Variants in MYBPC1 observed in about 807,000 individuals in gnomAD.
MYBPC1 encodes myosin binding protein C1, also known as myosin-binding protein C, slow-type.
Under a neutral mutation model 147.1 loss-of-function variants are expected in MYBPC1, and 52 were observed. That is an observed-to-expected ratio of 0.35 (90% CI 0.28 to 0.45). The LOEUF (loss-of-function observed/expected upper bound fraction) is 0.45. Ranked by LOEUF, MYBPC1 falls within the 20% of genes least tolerant of loss-of-function variation. MYBPC1 has a pLI of 1.00. For synonymous variants in MYBPC1, 477 were observed against 475.9 expected (o/e 1.00, Z -0.03); for missense variants, 1,228 against 1,440.3 (o/e 0.85, Z 2.39).
chr12:101,614,747 A>G, intron 2 of MYBPC1: 1 of 605,320 alleles, frequency 1.7e-6, no homozygotes. Flanking sequence ...ATGGCACTTC[A>G]TATATATTAG....
chr12:101,614,650 A>G (rs1885402708), intron 2 of MYBPC1, 119 bp downstream of exon 2: 1 of 964,522 alleles, frequency 1.0e-6, no homozygotes, highest in Non-Finnish European at 1.6e-6. Context: ...CCTACTGAGA[A>G]GTTGGATGGT....
intron 18 of MYBPC1, among the ~76,000 whole-genome samples, chr12:101,653,871 TA>T (rs1895032809): frequency 7.7e-6 from 1 of 129,282 alleles, no homozygotes; most frequent in African/African-American, 2.8e-5. Flanking sequence ...CGTGGCTTTC[TA>T]CAAAAATAAA....
Position 101,670,333 on chromosome 12 carries a change from T to C in MYBPC1, c.2537T>C (p.Ile846Thr). ...LVKEIIEPPK[I>T]RIPRHLKQTY... is the part of the protein sequence containing the mutation. ...TACCCTCTCTCAGAACCTCCAAAGATTCGCATTCCAAGACACCTGAAGCAA... is the reference window on the plus strand; with the variant it reads ...TACCCTCTCTCAGAACCTCCAAAGACTCGCATTCCAAGACACCTGAAGCAA... The change falls in exon 24 of 32, where the codon ATT (isoleucine) becomes ACT (threonine). Residue 846 changes from isoleucine to threonine, a missense_variant. Around this residue, in one of 2 missense-constraint regions of MYBPC1, gnomAD observed 1,077 missense variants for 1,314.2 expected, o/e 0.82. Transcript: ENST00000361466. 1 of 1,613,906 alleles carries C rather than the reference T, an allele frequency of 6.2e-7. No homozygotes were observed.
intron 18 of MYBPC1, among the ~76,000 whole-genome samples, chr12:101,653,884 G>C (rs1354288694): frequency 3.8e-5 from 2 of 52,854 alleles, no homozygotes; most frequent in Non-Finnish European, 1.2e-4. Context: ...AAAAATAAAA[G>C]CAAAAAAAGA....
intron 17 of MYBPC1, 149 bp from the exon 18 acceptor site, chr12:101,652,966 A>G: frequency 8.3e-7 from 1 of 1,197,722 alleles, no homozygotes; most frequent in South Asian, 1.4e-5. Flanking sequence ...TGGTTTTGCA[A>G]GGTGCCAGGC....
At chr12:101,609,851 A>T (rs984955446) in intron 1 of MYBPC1, among the ~76,000 whole-genome samples, 4 of 152,226 alleles carry the variant, frequency 2.6e-5, no homozygotes, top group Admixed American at 2.6e-4. Flanking sequence ...TGGGAGTTCA[A>T]TGAATTTAGG....
chr12:101,676,220 G>T (rs1899955953), intron 26 of MYBPC1, among the ~76,000 whole-genome samples: 1 of 152,170 alleles, frequency 6.6e-6, no homozygotes, highest in Non-Finnish European at 1.5e-5. Flanking sequence ...AACCTAGTTG[G>T]AGTATGACTT....
At chr12:101,662,576 C>T (rs1896750227) in intron 21 of MYBPC1, 30 bp downstream of exon 21, 4 of 1,607,400 alleles carry the variant, frequency 2.5e-6, no homozygotes, top group South Asian at 1.1e-5. Context: ...TCTTTGTCAT[C>T]AGAATCATTG....
intron 23 of MYBPC1, 54 bp from the exon 24 acceptor site, chr12:101,670,267 C>A: frequency 6.8e-7 from 1 of 1,460,334 alleles, no homozygotes; most frequent in Non-Finnish European, 9.6e-7. Context: ...TTTTGTAAGG[C>A]TATTTTCAGA....
chr12:101,603,018 G>A (rs1282832228), intron 1 of MYBPC1, among the ~76,000 whole-genome samples: 1 of 151,754 alleles, frequency 6.6e-6, no homozygotes, highest in Non-Finnish European at 1.5e-5. Flanking sequence ...CTGTCTCCAA[G>A]GGTTATAAGT....
intron 2 of MYBPC1, among the ~76,000 whole-genome samples, chr12:101,615,349 C>A (rs956699494): frequency 6.6e-6 from 1 of 152,134 alleles, no homozygotes; most frequent in East Asian, 1.9e-4. Context: ...TCCAAAGTGG[C>A]CTTCCTCATC....
intron 2 of MYBPC1, among the ~76,000 whole-genome samples, chr12:101,615,662 G>GCCCCCC (rs200320748): frequency 2.3e-5 from 1 of 43,466 alleles, no homozygotes; most frequent in African/African-American, 7.6e-5. Context: ...AGAACCCCCC[G>GCCCCCC]CCCCCCCCCC....
chr12:101,671,288 C>T (rs1254545707), intron 24 of MYBPC1, among the ~76,000 whole-genome samples: 1 of 150,822 alleles, frequency 6.6e-6, no homozygotes. Context: ...ATGTAGGTCT[C>T]TACACACATT....
intron 23 of MYBPC1, 138 bp from the exon 24 acceptor site, chr12:101,670,183 G>A (rs1898333084): frequency 1.3e-6 from 1 of 761,598 alleles, no homozygotes; most frequent in African/African-American, 1.7e-5. Flanking sequence ...TATATCGTCT[G>A]TTAGTGGCAC....
At chr12:101,600,164 G>A (rs948986544) in intron 1 of MYBPC1, among the ~76,000 whole-genome samples, 4 of 152,210 alleles carry the variant, frequency 2.6e-5, no homozygotes, top group African/African-American at 9.6e-5. Flanking sequence ...AAGGGAGACT[G>A]TGGACTGGTC....
At chr12:101,627,460 C>G (rs1209849611) in intron 4 of MYBPC1, among the ~76,000 whole-genome samples, 3 of 152,160 alleles carry the variant, frequency 2.0e-5, no homozygotes. Context: ...CCAGACTGGT[C>G]TCGAACACCT....
intron 1 of MYBPC1, among the ~76,000 whole-genome samples, chr12:101,605,222 C>G (rs1433055147): frequency 6.6e-6 from 1 of 152,146 alleles, no homozygotes; most frequent in Admixed American, 6.5e-5. Flanking sequence ...GCCCTTTTGT[C>G]TCTATTATGG....
In MYBPC1 at chr12:101,679,206, G is replaced by A. The variant is rs1037262662; in HGVS notation, c.3246+968G>A. Among the ~76,000 whole-genome samples, 5 of 152,098 alleles carry A rather than the reference G, an allele frequency of 3.3e-5. No homozygotes were observed. The East Asian group carries it at 9.6e-4, about 29-fold the overall frequency. On this transcript the variant is annotated intron_variant, in intron 28 of 31. Coordinates refer to ENST00000361466, the MANE Select transcript of MYBPC1 (RefSeq NM_002465.4). ...AAGTCAGACTAAGGATGAGAGAAAGGTGCTGAACTAATGTTTACTTGGAAA... is the reference window on the plus strand; with the variant it reads ...AAGTCAGACTAAGGATGAGAGAAAGATGCTGAACTAATGTTTACTTGGAAA...
intron 15 of MYBPC1, 117 bp from the exon 16 acceptor site, chr12:101,651,114 C>A (rs1380005801): frequency 1.8e-6 from 2 of 1,087,826 alleles, no homozygotes; most frequent in Non-Finnish European, 2.8e-6. Flanking sequence ...ATTGGTACAG[C>A]TTCTCACTTT....
Sources: gnomAD v4.1 joint callset for allele counts (sites outside exome capture counted in the v4.1 genomes callset) on GRCh38, gnomAD v4.1.1 for gene constraint, gnomAD v4.1.1 regional missense constraint, MANE v1.5 for transcripts, NCBI Gene and HGNC (gene_info 2026-07-23, HGNC 2026-07-21) for gene names.